Variants in ASTN2 observed in about 807,000 individuals in gnomAD.
The protein encoded by ASTN2 is astrotactin-2.
A neutral mutation model predicts 139.8 loss-of-function variants in ASTN2; 54 were observed. That is an observed-to-expected ratio of 0.39 (90% CI 0.31 to 0.48). The LOEUF is 0.48. Ranked by LOEUF, ASTN2 falls within the 20% of genes least tolerant of loss-of-function variation. ASTN2 has a pLI of 0.95. For missense variants in ASTN2, 1,565 were observed against 1,725.1 expected (o/e 0.91, Z 1.64); for synonymous variants, 756 against 719.5 (o/e 1.05, Z -0.81).
intron 4 of ASTN2, among the ~76,000 whole-genome samples, chr9:117,120,203 A>G (rs1389113609): frequency 6.6e-6 from 1 of 151,614 alleles, no homozygotes; most frequent in African/African-American, 2.4e-5. Flanking sequence ...CTCTTAGTGA[A>G]TGACTGGAAA....
At chr9:117,340,831 T>C (rs575894140) in intron 1 of ASTN2, among the ~76,000 whole-genome samples, 2 of 152,314 alleles carry the variant, frequency 1.3e-5, no homozygotes, top group East Asian at 3.9e-4. Context: ...CAGTGATTCA[T>C]GGTGTGACCT....
intron 5 of ASTN2, among the ~76,000 whole-genome samples, chr9:117,060,788 G>A (rs928756268): frequency 1.5e-4 from 23 of 151,984 alleles, no homozygotes; most frequent in African/African-American, 1.9e-4. Flanking sequence ...CCAGCTACTC[G>A]GGAGGCTGAG....
At chr9:116,666,817 A>G (rs564819858) in intron 16 of ASTN2, among the ~76,000 whole-genome samples, 3 of 152,188 alleles carry the variant, frequency 2.0e-5, no homozygotes, top group Admixed American at 6.5e-5. Context: ...GAACAGTTCT[A>G]AAGGACAAAT....
intron 3 of ASTN2, among the ~76,000 whole-genome samples, chr9:117,146,692 G>T (rs1248404073): frequency 6.6e-6 from 1 of 151,992 alleles, no homozygotes; most frequent in Non-Finnish European, 1.5e-5. Context: ...CTACAAACTG[G>T]GTTCAGTGTA....
intron 19 of ASTN2, among the ~76,000 whole-genome samples, chr9:116,513,768 A>T (rs1227021334): frequency 1.3e-5 from 2 of 151,988 alleles, no homozygotes; most frequent in Non-Finnish European, 2.9e-5. Flanking sequence ...AATCACTGAT[A>T]CCCTTTCTTC....
chr9:117,110,292 C>T (rs1214488002), intron 4 of ASTN2, among the ~76,000 whole-genome samples: 1 of 152,142 alleles, frequency 6.6e-6, no homozygotes, highest in African/African-American at 2.4e-5. Flanking sequence ...TTTTGACCTG[C>T]TTCTGGGAAT....
intron 3 of ASTN2, among the ~76,000 whole-genome samples, chr9:117,179,673 C>T (rs1831007998): frequency 1.3e-5 from 2 of 152,156 alleles, no homozygotes; most frequent in Admixed American, 6.5e-5. Flanking sequence ...GGGCTTCCCT[C>T]CTATGCTTGT....
intron 16 of ASTN2, among the ~76,000 whole-genome samples, chr9:116,713,974 A>C (rs1250758842): frequency 6.6e-6 from 1 of 152,156 alleles, no homozygotes; most frequent in Non-Finnish European, 1.5e-5. Flanking sequence ...TCACATTAGG[A>C]AGATGGAAAT....
rs570822772 is a variant in ASTN2 at position 117,085,182 on chromosome 9, C to A, written c.1276+10862G>T. ...GCCTGCCCTCCATGCCCCCCACAACCCTTCATCATCTAGTGCATCATCCTC... is the reference window on the plus strand; with the variant it reads ...GCCTGCCCTCCATGCCCCCCACAACACTTCATCATCTAGTGCATCATCCTC... On this transcript the variant is annotated intron_variant, in intron 5 of 22. Coordinates refer to ENST00000313400, the MANE Select transcript of ASTN2 (RefSeq NM_001365068.1). Among the ~76,000 whole-genome samples, 149 of 152,206 alleles carry A rather than the reference C, an allele frequency of 9.8e-4. 1 individual carries two copies. The highest frequency in any genetic ancestry group is 3.4e-3 in the African/African-American group (140 of 41,542).
intron 1 of ASTN2, among the ~76,000 whole-genome samples, chr9:117,311,276 G>A (rs1440380557): frequency 6.7e-6 from 1 of 150,312 alleles, no homozygotes; most frequent in Non-Finnish European, 1.5e-5. Flanking sequence ...TGAGGAAGAT[G>A]ACAGAACGTT....
intron 16 of ASTN2, among the ~76,000 whole-genome samples, chr9:116,674,519 T>C (rs956098284): frequency 2.6e-5 from 4 of 152,216 alleles, no homozygotes; most frequent in African/African-American, 7.2e-5. Context: ...TTTAGGACAA[T>C]GGGAGTAAAC....
At chr9:116,471,763 G>T (rs1848821110) in intron 20 of ASTN2, among the ~76,000 whole-genome samples, 2 of 152,314 alleles carry the variant, frequency 1.3e-5, no homozygotes. Flanking sequence ...CTCTGAAGAA[G>T]AATTTATTAC....
chr9:117,379,325 C>G (rs1022788513), intron 1 of ASTN2, among the ~76,000 whole-genome samples: 1 of 152,066 alleles, frequency 6.6e-6, no homozygotes, highest in South Asian at 2.1e-4. Context: ...CAAAGGGACC[C>G]GGTGTTCATT....
At chr9:116,817,216 C>T (rs560296086) in intron 12 of ASTN2, among the ~76,000 whole-genome samples, 87 of 152,028 alleles carry the variant, frequency 5.7e-4, no homozygotes, top group African/African-American at 2.0e-3. Context: ...ATCGCTTGAA[C>T]CCAGGAGGCG....
At chr9:116,536,406 C>T (rs151059457) in intron 19 of ASTN2, among the ~76,000 whole-genome samples, 3,544 of 152,234 alleles carry the variant, frequency 0.023, 129 homozygotes, top group African/African-American at 0.081. Flanking sequence ...TGAGGAGCTG[C>T]GTTCCTTTGG....
At chr9:117,105,218 C>A (rs959876608) in intron 4 of ASTN2, among the ~76,000 whole-genome samples, 1 of 152,150 alleles carries the variant, frequency 6.6e-6, no homozygotes, top group Non-Finnish European at 1.5e-5. Flanking sequence ...GAGGAAGTGA[C>A]TCTGCAGGAT....
chr9:116,662,411 A>G (rs539679929), intron 16 of ASTN2, among the ~76,000 whole-genome samples: 1 of 150,756 alleles, frequency 6.6e-6, no homozygotes, highest in South Asian at 2.1e-4. Flanking sequence ...TGTCTCCACT[A>G]AAAATACAAA....
At chr9:117,095,372 C>A (rs1444410711) in intron 5 of ASTN2, among the ~76,000 whole-genome samples, 1 of 152,182 alleles carries the variant, frequency 6.6e-6, no homozygotes, top group African/African-American at 2.4e-5. Context: ...AGGTTTTAGA[C>A]CTTTGTGGAG....
At chr9:117,088,362 T>A (rs991724072) in intron 5 of ASTN2, among the ~76,000 whole-genome samples, 2 of 152,182 alleles carry the variant, frequency 1.3e-5, no homozygotes, top group African/African-American at 2.4e-5. Context: ...TTTCACTTCA[T>A]CCCATTTTCA....
Sources: allele counts gnomAD v4.1 joint callset (sites outside exome capture counted in the v4.1 genomes callset), GRCh38; gene constraint gnomAD v4.1.1; transcripts MANE v1.5; gene names NCBI Gene and HGNC (gene_info 2026-07-23, HGNC 2026-07-21).